The following DOCK1 variants were observed in gnomAD, a reference collection of about 807,000 sequenced individuals.
The protein encoded by DOCK1 is dedicator of cytokinesis protein 1.
In DOCK1, 138 loss-of-function variants were observed where a neutral mutation model predicts 262.7. The observed-to-expected ratio is 0.53, with a 90% confidence interval of 0.46 to 0.61. DOCK1 has a LOEUF of 0.61. Among genes scored for constraint, DOCK1 ranks in the 20% least tolerant of loss-of-function variants. DOCK1 has a pLI of 0.00. For synonymous variants in DOCK1, 866 were observed against 867.4 expected, an observed-to-expected ratio of 1.00 and a Z score of 0.03; for missense variants, 1,908 against 2,370.7, an observed-to-expected ratio of 0.80 and a Z score of 4.05.
chr10:126,939,112 G>A (rs1353971356), intron 1 of DOCK1, among the ~76,000 whole-genome samples: 1 of 152,026 alleles, frequency 6.6e-6, no homozygotes, highest in African/African-American at 2.4e-5. Flanking sequence ...AACACAGGAG[G>A]GGATGAACAC....
intron 5 of DOCK1, 134 bp from the exon 6 acceptor site, chr10:126,990,321 T>C: frequency 8.6e-6 from 8 of 931,908 alleles, no homozygotes; most frequent in Non-Finnish European, 1.2e-5. Flanking sequence ...AAAGCACCTT[T>C]TAATTCAACA....
At position 127,199,397 on chromosome 10, in the gene DOCK1, A is replaced by C. The variant is rs139895310; in HGVS notation, c.2848-48611A>C. 4.8e-3 allele frequency among the ~76,000 whole-genome samples: 733 copies of C among 152,334 alleles called. 6 individuals are homozygous for C. The highest frequency in any genetic ancestry group is 0.017 in the African/African-American group (699 of 41,574). ...AGAATATACAAGTCAAACATGTTCA[A>C]GAATGTTCATAACAGGTTTATCTAT... On this transcript the variant is annotated intron_variant, in intron 27 of 51. Coordinates refer to ENST00000623213, the MANE Select transcript of DOCK1 (RefSeq NM_001290223.2).
At chr10:127,207,866 C>A (rs1353704244) in intron 27 of DOCK1, among the ~76,000 whole-genome samples, 1 of 152,112 alleles carries the variant, frequency 6.6e-6, no homozygotes, top group Non-Finnish European at 1.5e-5. Context: ...AGTTTTATGA[C>A]CCCTGGCTTA....
intron 29 of DOCK1, among the ~76,000 whole-genome samples, chr10:127,272,530 C>T (rs2060606262): frequency 6.6e-6 from 1 of 152,184 alleles, no homozygotes; most frequent in Non-Finnish European, 1.5e-5. Flanking sequence ...TAGCTTTTAG[C>T]ACCTGCCACT....
At chr10:127,208,610 T>C (rs1297363913) in intron 27 of DOCK1, among the ~76,000 whole-genome samples, 2 of 152,202 alleles carry the variant, frequency 1.3e-5, no homozygotes, top group African/African-American at 4.8e-5. Flanking sequence ...TTGAATATTA[T>C]ATTTAATGCC....
chr10:127,148,402 G>A (rs777438417), intron 27 of DOCK1, among the ~76,000 whole-genome samples: 3 of 152,206 alleles, frequency 2.0e-5, no homozygotes, highest in African/African-American at 4.8e-5. Flanking sequence ...ATGAATCTGA[G>A]TCAGAATTCC....
At chr10:127,159,747 G>C (rs1351966688) in intron 27 of DOCK1, among the ~76,000 whole-genome samples, 1 of 152,142 alleles carries the variant, frequency 6.6e-6, no homozygotes, top group Non-Finnish European at 1.5e-5. Flanking sequence ...ACAAAGAAGG[G>C]CAGGCCCATG....
At chr10:127,136,478 C>CAAAAAAAAAA (rs71831153) in intron 27 of DOCK1, 1 of 67,114 alleles carries the variant, frequency 1.5e-5, no homozygotes. Context: ...TTAAGTTGTA[C>CAAAAAAAAAA]AAAAAAAAAA....
chr10:127,133,285 T>C (rs1276265888), intron 27 of DOCK1, among the ~76,000 whole-genome samples: 1 of 152,236 alleles, frequency 6.6e-6, no homozygotes, highest in Non-Finnish European at 1.5e-5. Flanking sequence ...CACAAAGATG[T>C]TATATCCCCA....
At chr10:127,077,534 C>T (rs1052708247) in intron 23 of DOCK1, among the ~76,000 whole-genome samples, 2 of 152,120 alleles carry the variant, frequency 1.3e-5, no homozygotes, top group Admixed American at 1.3e-4. Context: ...TATACGTGCG[C>T]TTTTCACATG....
At chr10:127,134,932 G>C (rs1419725132) in intron 27 of DOCK1, among the ~76,000 whole-genome samples, 5 of 152,136 alleles carry the variant, frequency 3.3e-5, no homozygotes, top group Non-Finnish European at 1.5e-5. Context: ...GTCAGCAGGA[G>C]AGGTAGGCGC....
chr10:127,387,206 C>T (rs1590828248), intron 38 of DOCK1, among the ~76,000 whole-genome samples: 2 of 152,358 alleles, frequency 1.3e-5, no homozygotes, highest in African/African-American at 4.8e-5. Context: ...CACCCTCATT[C>T]CCTCCCTTGC....
In DOCK1 at chr10:127,032,189, C is replaced by G; in HGVS notation, c.1781C>G (p.Thr594Arg). ...GCCACGTACTTGAGTCTGCCCTCCA[C>G]GAAGGCAGAGTTGGAAGAAAAGGGC... Reference protein sequence around the residue: ...DAATYLSLPSTKAELEEKGHS... With the variant: ...DAATYLSLPSRKAELEEKGHS... Residue 594 changes from threonine (T) to arginine (R), a missense_variant, in exon 18 of 52, where the codon ACG (threonine) becomes AGG (arginine). Thr to Arg is a moderately conservative substitution (Grantham distance 71). Coordinates refer to ENST00000623213, the MANE Select transcript of DOCK1 (RefSeq NM_001290223.2). 6.3e-7 allele frequency: 1 copy of G among 1,599,260 alleles called. No homozygotes were observed. The highest frequency in any genetic ancestry group is 8.5e-7 in the Non-Finnish European group (1 of 1,172,758).
chr10:127,328,589 G>A (rs1025835669), intron 29 of DOCK1, among the ~76,000 whole-genome samples: 4 of 152,010 alleles, frequency 2.6e-5, no homozygotes, highest in Admixed American at 1.3e-4. Flanking sequence ...CAGCAAGGAC[G>A]GCAGGGACGC....
chr10:127,244,208 G>A (rs538098489), intron 27 of DOCK1, among the ~76,000 whole-genome samples: 7 of 151,884 alleles, frequency 4.6e-5, no homozygotes, highest in South Asian at 2.1e-4. Context: ...TCATTGCAAC[G>A]TTTGGGACAT....
intron 38 of DOCK1, among the ~76,000 whole-genome samples, chr10:127,389,020 A>T (rs2066306117): frequency 6.6e-6 from 1 of 152,218 alleles, no homozygotes; most frequent in Non-Finnish European, 1.5e-5. Flanking sequence ...TGAGAATAAC[A>T]TCTCATAAAA....
At chr10:127,395,973 G>A (rs184044661) in intron 38 of DOCK1, among the ~76,000 whole-genome samples, 21 of 152,244 alleles carry the variant, frequency 1.4e-4, no homozygotes, top group Middle Eastern at 3.4e-3. Context: ...AGGCAGCGAG[G>A]GTGCACACTG....
intron 27 of DOCK1, among the ~76,000 whole-genome samples, chr10:127,190,884 A>G (rs919456683): frequency 4.0e-5 from 6 of 151,868 alleles, no homozygotes; most frequent in Non-Finnish European, 7.4e-5. Flanking sequence ...CACCTTCTCA[A>G]CTGGTCTCCA....
chr10:126,935,755 C>T (rs890549137), intron 1 of DOCK1, among the ~76,000 whole-genome samples: 8 of 152,222 alleles, frequency 5.3e-5, no homozygotes, highest in Non-Finnish European at 1.2e-4. Context: ...CTGAATACTG[C>T]CTTGGGATCG....
Sources: gnomAD v4.1 joint callset for allele counts (sites outside exome capture counted in the v4.1 genomes callset) on GRCh38, gnomAD v4.1.1 for gene constraint, MANE v1.5 for transcripts, NCBI Gene and HGNC (gene_info 2026-07-23, HGNC 2026-07-21) for gene names.